The following PCDHGA12 variants were observed in gnomAD, a reference collection of about 807,000 sequenced individuals.
PCDHGA12 encodes protocadherin gamma-A12.
Under a neutral mutation model 61.1 loss-of-function variants are expected in PCDHGA12, and 43 were observed. The ratio of observed to expected loss-of-function variants is 0.70; its 90% confidence interval spans 0.55 to 0.91. The LOEUF is 0.91. Among genes scored for constraint, PCDHGA12 ranks in the 40% least tolerant of loss-of-function variants. The probability of loss-of-function intolerance (pLI) is 0.00; values close to 1 mark genes in which losing one functional copy is unlikely to be tolerated. For synonymous variants in PCDHGA12, 520 were observed against 542.9 expected, an observed-to-expected ratio of 0.96 and a Z score of 0.59; for missense variants, 1,236 against 1,227.7, an observed-to-expected ratio of 1.01 and a Z score of -0.10.
At chr5:141,506,649 T>C (rs1487823663) in intron 3 of PCDHGA12, among the ~76,000 whole-genome samples, 1 of 152,114 alleles carries the variant, frequency 6.6e-6, no homozygotes, top group Admixed American at 6.6e-5. Context: ...CAGCACAGGA[T>C]TGGCAGAGAG....
chr5:141,430,774 A>G lies in PCDHGA12; in HGVS notation c.15A>G (p.Arg5=), dbSNP rs1269572813. The change falls in exon 1 of 4, where the codon CGA becomes CGG. Residue 5 remains arginine, a synonymous_variant. Coordinates refer to ENST00000252085, the MANE Select transcript of PCDHGA12 (RefSeq NM_003735.3). MIPA[R]LHRDYKGLVL... ...GGAAGATAAGAATGATTCCTGCGCGACTGCACCGGGACTACAAAGGGCTTG... is the reference window on the plus strand; with the variant it reads ...GGAAGATAAGAATGATTCCTGCGCGGCTGCACCGGGACTACAAAGGGCTTG... 11 of 1,508,872 alleles carry G rather than the reference A, an allele frequency of 7.3e-6. No homozygotes were observed. Among genetic ancestry groups the G allele is most frequent in the Non-Finnish European group, 8.8e-7 (1 of 1,130,176 alleles). The allele number at this position is 1,508,872 out of a possible 1,614,324, so 93.5% of individuals were successfully genotyped here.
chr5:141,443,820 T>C (rs1329478151), intron 1 of PCDHGA12, among the ~76,000 whole-genome samples: 1 of 151,986 alleles, frequency 6.6e-6, no homozygotes. Flanking sequence ...TTGGAAAACA[T>C]AATTAGGTAA....
At chr5:141,506,172 TG>T (rs2099850913) in intron 3 of PCDHGA12, among the ~76,000 whole-genome samples, 1 of 152,128 alleles carries the variant, frequency 6.6e-6, no homozygotes, top group South Asian at 2.1e-4. Flanking sequence ...CAGCCTAAGC[TG>T]GGCGTGGTGG....
At chr5:141,478,574 C>T (rs2099465133) in intron 1 of PCDHGA12, 1 of 1,586,288 alleles carries the variant, frequency 6.3e-7, no homozygotes, top group Non-Finnish European at 8.6e-7. Flanking sequence ...ATGCTTGACC[C>T]TGTTAGTGCT....
chr5:141,432,035 G>C lies in PCDHGA12; in HGVS notation c.1276G>C (p.Asp426His). 6 of 1,614,218 alleles carry C rather than the reference G, an allele frequency of 3.7e-6. No homozygotes were observed. Among genetic ancestry groups the C allele is most frequent in the Non-Finnish European group, 5.1e-6 (6 of 1,180,046 alleles). ...PSYNITVTAT[D>H]RGTPPLSTET... ...CTACAACATCACAGTGACCGCCACT[G>C]ACCGGGGAACCCCGCCCCTATCCAC... Residue 426 changes from aspartate to histidine, a missense_variant, in exon 1 of 4, where the codon GAC becomes CAC. By Grantham distance (81) the Asp-to-His change is moderately conservative. Coordinates refer to ENST00000252085, the MANE Select transcript of PCDHGA12 (RefSeq NM_003735.3). The surrounding 1 kb of genome is among the most constrained non-coding windows in gnomAD (Gnocchi z 6.0).
In PCDHGA12 at chr5:141,477,029, A is replaced by C; in HGVS notation, c.2425-17778A>C. 6.2e-7 allele frequency: 1 copy of C among 1,614,238 alleles called. No homozygotes were observed. The highest frequency in any genetic ancestry group is 8.5e-7 in the Non-Finnish European group (1 of 1,180,040). Reference sequence around the variant, plus strand: ...CTTAGACCTTGTAACCGGGATGCTGACAATCAAGGGTCGGCTGGACTTCGA... The same window carrying C: ...CTTAGACCTTGTAACCGGGATGCTGCCAATCAAGGGTCGGCTGGACTTCGA... On this transcript the variant is annotated intron_variant, in intron 1 of 3. Transcript: ENST00000252085. This position sits in a 1 kb window ranked among gnomAD's most constrained non-coding sequence, Gnocchi z 4.9.
chr5:141,459,253 ATTAGTGTTGCCTCT>A (rs1439680561), intron 1 of PCDHGA12, among the ~76,000 whole-genome samples: 1 of 152,174 alleles, frequency 6.6e-6, no homozygotes, highest in African/African-American at 2.4e-5. Context: ...GTCACTATAA[ATTAGTGTTGCCTCT>A]TTCAGAATTT....
At chr5:141,501,841 C>T (rs2099811330) in intron 2 of PCDHGA12, among the ~76,000 whole-genome samples, 1 of 152,130 alleles carries the variant, frequency 6.6e-6, no homozygotes, top group African/African-American at 2.4e-5. Flanking sequence ...CTGTTTGGCC[C>T]TCAACCTTCA....
chr5:141,489,250 A>C lies in PCDHGA12; in HGVS notation c.2425-5557A>C. 1 of 1,546,554 alleles carries C rather than the reference A, an allele frequency of 6.5e-7. No individual in the cohort carries two copies. The highest frequency in any genetic ancestry group is 8.7e-7 in the Non-Finnish European group (1 of 1,146,722). On this transcript the variant is annotated intron_variant, in intron 1 of 3. Transcript: ENST00000252085. This position sits in a 1 kb window ranked among gnomAD's most constrained non-coding sequence, Gnocchi z 4.5. The stretch of plus-strand genomic sequence containing the variant: ...AAGGGACTTCTGGGTCATGGGGCCC[A>C]AGACACTCCCACAGCTCGCTGGGAA...
rs980944782 is a variant in PCDHGA12 at position 141,487,625 on chromosome 5, T to C, written c.2425-7182T>C. On this transcript the variant is annotated intron_variant, in intron 1 of 3. Coordinates refer to ENST00000252085, the MANE Select transcript of PCDHGA12 (RefSeq NM_003735.3). This position sits in a 1 kb window ranked among gnomAD's most constrained non-coding sequence, Gnocchi z 5.0. ...TCTCTATGGGCTAGAGGTGAGACCT[T>C]TGCAGGCTCAACAAATGCTTGAGGG... 4 of 1,614,090 alleles carry C rather than the reference T, an allele frequency of 2.5e-6. No homozygotes were observed. Among genetic ancestry groups the C allele is most frequent in the Admixed American group, 3.3e-5 (2 of 60,004 alleles).
intron 1 of PCDHGA12, among the ~76,000 whole-genome samples, chr5:141,475,299 T>C (rs1227132122): frequency 6.6e-6 from 1 of 152,204 alleles, no homozygotes; most frequent in Non-Finnish European, 1.5e-5. Context: ...AAATTTCTTA[T>C]TGCTCCCTGG....
intron 2 of PCDHGA12, among the ~76,000 whole-genome samples, chr5:141,499,016 GGAAGGAA>G (rs2099788564): frequency 7.0e-6 from 1 of 143,496 alleles, no homozygotes; most frequent in Non-Finnish European, 1.5e-5. Flanking sequence ...AAGGAAGGAA[GGAAGGAA>G]GGAAGAAAAG....
chr5:141,461,778 C>CA (rs1280703059), intron 1 of PCDHGA12, among the ~76,000 whole-genome samples: 6 of 152,052 alleles, frequency 3.9e-5, no homozygotes, highest in Non-Finnish European at 7.4e-5. Context: ...CTCAGCCTCC[C>CA]AAGTAGCTGG....
At chr5:141,507,429 G>C (rs1191174823) in intron 3 of PCDHGA12, 3 of 152,238 alleles carry the variant, frequency 2.0e-5, no homozygotes, top group African/African-American at 7.2e-5. Flanking sequence ...AGTGGGGCCA[G>C]GCCTACAGCT....
intron 3 of PCDHGA12, among the ~76,000 whole-genome samples, chr5:141,510,354 G>A (rs1311482557): frequency 2.1e-5 from 3 of 146,300 alleles, no homozygotes; most frequent in Non-Finnish European, 4.5e-5. Flanking sequence ...ACTTACTAAC[G>A]GAACTACCGA....
intron 1 of PCDHGA12, among the ~76,000 whole-genome samples, chr5:141,456,379 C>A (rs181915740): frequency 1.3e-5 from 2 of 152,162 alleles, no homozygotes; most frequent in East Asian, 3.9e-4. Context: ...GTTTACAGCA[C>A]CGTTTGGAGT....
rs1271891195 is a variant in PCDHGA12, at chr5:141,477,108, C to A, written c.2425-17699C>A. The A allele has an allele frequency of 2.5e-6, 4 of 1,614,232 alleles. No individual in the cohort carries two copies. Among genetic ancestry groups the A allele is most frequent in the Non-Finnish European group, 2.5e-6 (3 of 1,180,046 alleles). ...CAGGCCAAAGACAAGGGCGCCAATCCCGAAGGAGCACATTGCAAAGTGTTG... is the reference window on the plus strand; with the variant it reads ...CAGGCCAAAGACAAGGGCGCCAATCACGAAGGAGCACATTGCAAAGTGTTG... On this transcript the variant is annotated intron_variant, in intron 1 of 3. Coordinates refer to ENST00000252085, the MANE Select transcript of PCDHGA12 (RefSeq NM_003735.3). The surrounding 1 kb of genome is among the most constrained non-coding windows in gnomAD (Gnocchi z 4.9).
rs1384424498 is a variant in PCDHGA12, at chr5:141,431,677, G to A, written c.918G>A (p.Glu306=). Residue 306 remains glutamate, a synonymous_variant, in exon 1 of 4, where the codon GAG becomes GAA. Coordinates refer to ENST00000252085, the MANE Select transcript of PCDHGA12 (RefSeq NM_003735.3). This position sits in a 1 kb window ranked among gnomAD's most constrained non-coding sequence, Gnocchi z 4.8. ...CNSGTISTIG[E]LDHEESGFYQ... is the part of the protein sequence containing the mutation. The stretch of plus-strand genomic sequence containing the variant: ...CAGGGACAATATCAACAATAGGGGA[G>A]TTGGACCACGAGGAGTCAGGATTCT... 2 of 1,614,236 alleles carry A rather than the reference G, an allele frequency of 1.2e-6. No homozygotes were observed. The highest frequency in any genetic ancestry group is 1.7e-6 in the Non-Finnish European group (2 of 1,180,050).
intron 2 of PCDHGA12, among the ~76,000 whole-genome samples, chr5:141,503,423 C>T (rs1018496430): frequency 6.6e-6 from 1 of 151,752 alleles, no homozygotes; most frequent in Non-Finnish European, 1.5e-5. Context: ...GGTGAAACCC[C>T]ATCTCTACTA....
Sources: gnomAD v4.1 joint callset for allele counts (sites outside exome capture counted in the v4.1 genomes callset) on GRCh38, gnomAD v4.1.1 for gene constraint, Gnocchi (gnomAD v3.1) non-coding constraint, MANE v1.5 for transcripts, NCBI Gene and HGNC (gene_info 2026-07-23, HGNC 2026-07-21) for gene names.